Variants in MAPK6 observed in about 807,000 individuals in gnomAD.
MAPK6 encodes the protein mitogen-activated protein kinase 6.
Under a neutral mutation model 59.3 loss-of-function variants are expected in MAPK6, and 19 were observed. The ratio of observed to expected loss-of-function variants is 0.32; its 90% CI spans 0.22 to 0.47. The LOEUF (loss-of-function observed/expected upper bound fraction) is 0.47. MAPK6 is among the 20% of genes least tolerant of loss of function. MAPK6 has a pLI of 1.00. For missense variants in MAPK6, 724 were observed against 847.9 expected, an observed-to-expected ratio of 0.85 and a Z score of 1.81; for synonymous variants, 316 against 290.3, an observed-to-expected ratio of 1.09 and a Z score of -0.90.
chr15:52,007,367 G>A (rs1286411993), intron 3 of MAPK6, among the ~76,000 whole-genome samples: 1 of 152,040 alleles, frequency 6.6e-6, no homozygotes, highest in Non-Finnish European at 1.5e-5. Context: ...CATAATTTCT[G>A]GGGCCCTTTG....
intron 1 of MAPK6, chr15:52,042,924 G>A (rs999148116): frequency 6.6e-6 from 1 of 152,116 alleles, no homozygotes; most frequent in African/African-American, 2.4e-5. Context: ...TGGTTTTCTT[G>A]ACCAGCCTGG....
chr15:52,016,107 C>CACACACACACACACACACACACAAAAA (rs1267339787), upstream of MAPK6, among the ~76,000 whole-genome samples: 2 of 136,212 alleles, frequency 1.5e-5, no homozygotes, highest in Non-Finnish European at 3.1e-5. Flanking sequence ...CACACACACA[C>CACACACACACACACACACACACAAAAA]AAACTAAAAC....
intron 3 of MAPK6, among the ~76,000 whole-genome samples, chr15:52,004,888 A>G (rs1256941168): frequency 1.3e-5 from 2 of 152,058 alleles, no homozygotes; most frequent in African/African-American, 4.8e-5. Context: ...TAGCAACCCC[A>G]CTCTGGATTT....
At chr15:52,049,891 G>C (rs556320545) in intron 2 of MAPK6, 102 bp from the exon 3 acceptor site, 1 of 1,077,620 alleles carries the variant, frequency 9.3e-7, no homozygotes, top group Non-Finnish European at 1.4e-6. Flanking sequence ...GGGATTACAG[G>C]CATGAGCCAC....
At chr15:52,056,173 CTT>C (rs2031975637) in intron 3 of MAPK6, among the ~76,000 whole-genome samples, 1 of 152,186 alleles carries the variant, frequency 6.6e-6, no homozygotes, top group African/African-American at 2.4e-5. Context: ...GTGCATTTCT[CTT>C]GTGTGTCCAG....
intron 3 of MAPK6, among the ~76,000 whole-genome samples, chr15:52,054,726 C>T (rs1443902766): frequency 2.9e-5 from 1 of 34,582 alleles, no homozygotes; most frequent in Non-Finnish European, 7.5e-5. Context: ...ATACATATAT[C>T]TATACACACA....
At chr15:51,998,069 G>T (rs558424828) in intron 2 of MAPK6, among the ~76,000 whole-genome samples, 1 of 150,638 alleles carries the variant, frequency 6.6e-6, no homozygotes, top group South Asian at 2.1e-4. Flanking sequence ...TCAGCCTCCC[G>T]AGTAGCTGGG....
At chr15:52,049,029 A>T (rs1036990601) in intron 2 of MAPK6, among the ~76,000 whole-genome samples, 36 of 152,134 alleles carry the variant, frequency 2.4e-4, no homozygotes, top group Non-Finnish European at 5.0e-4. Context: ...AGCAGATCTC[A>T]CTCTCTCAGT....
At chr15:52,049,030 C>T (rs1450089890) in intron 2 of MAPK6, among the ~76,000 whole-genome samples, 3 of 152,172 alleles carry the variant, frequency 2.0e-5, no homozygotes, top group Non-Finnish European at 2.9e-5. Flanking sequence ...GCAGATCTCA[C>T]TCTCTCAGTC....
intron 1 of MAPK6, among the ~76,000 whole-genome samples, chr15:52,021,961 TA>T (rs1459596437): frequency 6.6e-6 from 1 of 152,158 alleles, no homozygotes; most frequent in Non-Finnish European, 1.5e-5. Context: ...TGACTGATTT[TA>T]AAACAGCCAA....
At chr15:51,995,787 G>T (rs1265900668) in intron 2 of MAPK6, among the ~76,000 whole-genome samples, 4 of 152,098 alleles carry the variant, frequency 2.6e-5, no homozygotes, top group African/African-American at 9.7e-5. Flanking sequence ...AATTAGCCAG[G>T]CATGGTGGCG....
intron 2 of MAPK6, among the ~76,000 whole-genome samples, chr15:51,988,326 G>C (rs796636789): frequency 2.2e-4 from 33 of 152,018 alleles, no homozygotes; most frequent in African/African-American, 8.0e-4. Flanking sequence ...GGCTAAAAAA[G>C]GAGAGGAGAA....
At chr15:52,040,598 T>G (rs889975667) in intron 1 of MAPK6, among the ~76,000 whole-genome samples, 2 of 152,200 alleles carry the variant, frequency 1.3e-5, no homozygotes, top group African/African-American at 4.8e-5. Context: ...AAAAGAAAAT[T>G]CTGGCGAGAT....
intron 2 of MAPK6, among the ~76,000 whole-genome samples, chr15:51,984,462 TTTTTTTTTTTTTTTG>T (rs1468289369): frequency 7.4e-6 from 1 of 135,790 alleles, no homozygotes; most frequent in African/African-American, 2.9e-5. Context: ...TTTTTTTTTT[TTTTTTTTTTTTTTTG>T]TATTTTTAGT....
At chr15:52,029,858 T>C (rs2030961662) in intron 1 of MAPK6, among the ~76,000 whole-genome samples, 1 of 152,194 alleles carries the variant, frequency 6.6e-6, no homozygotes, top group Non-Finnish European at 1.5e-5. Context: ...GGTCTTTGCT[T>C]TTACTCAGCT....
chr15:52,037,166 G>A (rs142055676), intron 1 of MAPK6, among the ~76,000 whole-genome samples: 1 of 152,264 alleles, frequency 6.6e-6, no homozygotes, highest in African/African-American at 2.4e-5. Context: ...TGAACGTGGT[G>A]TGTGCCTATA....
At chr15:52,009,243 CCTTTT>C (rs2029988332) in intron 3 of MAPK6, among the ~76,000 whole-genome samples, 1 of 152,146 alleles carries the variant, frequency 6.6e-6, no homozygotes, top group Non-Finnish European at 1.5e-5. Flanking sequence ...TCTATTCTTT[CCTTTT>C]ATTTACTCTG....
At chr15:52,053,440 A>G (rs1250403768) in intron 3 of MAPK6, among the ~76,000 whole-genome samples, 2 of 152,064 alleles carry the variant, frequency 1.3e-5, no homozygotes, top group Non-Finnish European at 1.5e-5. Context: ...GTCCAGATCT[A>G]TTGCCCATTT....
chr15:52,025,864 A>C (rs1197508101), intron 1 of MAPK6, among the ~76,000 whole-genome samples: 1 of 152,236 alleles, frequency 6.6e-6, no homozygotes, highest in Non-Finnish European at 1.5e-5. Flanking sequence ...TGCCCACTCT[A>C]AAATCTAAGC....
Sources: gnomAD v4.1 joint callset for allele counts (sites outside exome capture counted in the v4.1 genomes callset) on GRCh38, gnomAD v4.1.1 for gene constraint, MANE v1.5 for transcripts, NCBI Gene and HGNC (gene_info 2026-07-23, HGNC 2026-07-21) for gene names.